NAV3: variants seen among roughly 807,000 people sequenced by gnomAD.
NAV3 encodes the protein neuron navigator 3, also known as pore membrane and/or filament interacting like protein 1.
NAV3 carries 87 observed loss-of-function variants against 244.7 expected under a neutral mutation model. That is an observed-to-expected ratio of 0.36 (90% CI 0.30 to 0.42). The LOEUF is 0.42. Among genes scored for constraint, NAV3 ranks in the 20% least tolerant of loss-of-function variants. The pLI is 1.00. For missense variants in NAV3, 2,663 were observed against 2,893.3 expected (o/e 0.92, Z 1.83); for synonymous variants, 1,126 against 1,042.2 (o/e 1.08, Z -1.55).
At chr12:77,849,106 C>T (rs1236845958) in intron 1 of NAV3, among the ~76,000 whole-genome samples, 2 of 152,030 alleles carry the variant, frequency 1.3e-5, no homozygotes, top group African/African-American at 4.8e-5. Context: ...ATTCAAGCTT[C>T]CCCCAATGTA....
At chr12:77,833,845 C>A (rs527680462) in intron 1 of NAV3, among the ~76,000 whole-genome samples, 1 of 152,252 alleles carries the variant, frequency 6.6e-6, no homozygotes, top group South Asian at 2.1e-4. Context: ...CGCCCAGCAG[C>A]CAGACTCTCC....
intron 2 of NAV3, among the ~76,000 whole-genome samples, chr12:77,575,774 T>A (rs942675122): frequency 2.6e-5 from 4 of 152,278 alleles, no homozygotes; most frequent in African/African-American, 9.6e-5. Context: ...TATTGCTCCA[T>A]GAATATTTTG....
At chr12:77,863,030 T>A (rs1222944844) in intron 1 of NAV3, among the ~76,000 whole-genome samples, 1 of 151,868 alleles carries the variant, frequency 6.6e-6, no homozygotes, top group Non-Finnish European at 1.5e-5. Context: ...TAATAAAAAC[T>A]TTTTGTCCAT....
rs1874432764 is a variant in NAV3 at position 78,007,451 on chromosome 12, G to A, written c.1907+6G>A. 6.2e-7 allele frequency: 1 copy of A among 1,610,100 alleles called. No homozygotes were observed. The highest frequency in any genetic ancestry group is 8.5e-7 in the Non-Finnish European group (1 of 1,177,976). ...GTGGCACCATTCATTTACAGGTAAG[G>A]TGGCCTCTGTTTATCCACAGTTGTA... On this transcript the variant is annotated splice_donor_region_variant and intron_variant, in intron 8 of 39. Coordinates refer to ENST00000397909, the MANE Select transcript of NAV3 (RefSeq NM_001024383.2).
chr12:78,059,113 C>T lies in NAV3; in HGVS notation c.2634C>T (p.Asp878=), dbSNP rs2137410515. 1.2e-6 allele frequency: 2 copies of T among 1,609,956 alleles called. No individual in the cohort carries two copies. Among genetic ancestry groups the T allele is most frequent in the South Asian group, 1.1e-5 (1 of 90,338 alleles). The change falls in exon 12 of 40, where the codon GAC becomes GAT. Residue 878 remains aspartate (D), a splice_region_variant and synonymous_variant. Coordinates refer to ENST00000397909, the MANE Select transcript of NAV3 (RefSeq NM_001024383.2). Reference sequence around the variant, plus strand: ...TTCACGATGTGACAGTGGATGCAGACAGGTAATGCTATCAGCATATATGAT... The same window carrying T: ...TTCACGATGTGACAGTGGATGCAGATAGGTAATGCTATCAGCATATATGAT... ...RGVHDVTVDA[D]SWDDSSSVSS... is the part of the protein sequence containing the mutation.
At chr12:77,688,007 C>T (rs559122114) in intron 2 of NAV3, among the ~76,000 whole-genome samples, 137 of 152,156 alleles carry the variant, frequency 9.0e-4, no homozygotes, top group African/African-American at 3.2e-3. Context: ...TTATATCACA[C>T]TTTTTACTGT....
chr12:77,676,872 G>A (rs1347420045), intron 2 of NAV3, among the ~76,000 whole-genome samples: 1 of 152,156 alleles, frequency 6.6e-6, no homozygotes, highest in African/African-American at 2.4e-5. Flanking sequence ...TAAGGACCTA[G>A]GGTTAGGGTA....
At chr12:78,090,431 T>A (rs1487610339) in intron 12 of NAV3, among the ~76,000 whole-genome samples, 1 of 152,038 alleles carries the variant, frequency 6.6e-6, no homozygotes, top group Non-Finnish European at 1.5e-5. Flanking sequence ...CCTTTTCTAC[T>A]AACATTAACC....
intron 5 of NAV3, among the ~76,000 whole-genome samples, chr12:77,973,410 A>G (rs907989908): frequency 1.3e-5 from 2 of 152,192 alleles, no homozygotes; most frequent in Non-Finnish European, 2.9e-5. Context: ...ATCTCTGCAG[A>G]TGATCATATG....
intron 2 of NAV3, among the ~76,000 whole-genome samples, chr12:77,755,566 T>TCCTTC (rs1869103682): frequency 1.6e-5 from 1 of 62,212 alleles, no homozygotes; most frequent in Non-Finnish European, 3.2e-5. Context: ...TCCTTTCCTT[T>TCCTTC]CCTTTCCTTT....
chr12:77,659,707 A>G (rs1427308364), intron 2 of NAV3, among the ~76,000 whole-genome samples: 2 of 152,170 alleles, frequency 1.3e-5, no homozygotes, highest in Admixed American at 6.5e-5. Context: ...CTTGGAACCA[A>G]TCCAAATGTC....
chr12:77,920,346 GTTTTA>G (rs2137160794), intron 1 of NAV3, among the ~76,000 whole-genome samples: 1 of 151,920 alleles, frequency 6.6e-6, no homozygotes, highest in Admixed American at 6.6e-5. Context: ...AAATTAACCA[GTTTTA>G]TTTTGTTTGA....
intron 1 of NAV3, among the ~76,000 whole-genome samples, chr12:77,896,548 G>T (rs1884651459): frequency 6.6e-6 from 1 of 152,098 alleles, no homozygotes; most frequent in Admixed American, 6.6e-5. Flanking sequence ...GTCTATATTT[G>T]TTCCTTCTTA....
intron 2 of NAV3, among the ~76,000 whole-genome samples, chr12:77,611,015 G>T (rs924738699): frequency 1.4e-5 from 2 of 148,116 alleles, no homozygotes. Context: ...AAACCTATTA[G>T]AAAAAAAAAC....
chr12:77,593,596 C>T (rs1390748645), intron 2 of NAV3, among the ~76,000 whole-genome samples: 8 of 143,398 alleles, frequency 5.6e-5, no homozygotes, highest in African/African-American at 2.0e-4. Context: ...ATTACAGGTG[C>T]GTGCCACCAT....
At chr12:77,634,614 A>G (rs1043778525) in intron 2 of NAV3, among the ~76,000 whole-genome samples, 2 of 152,206 alleles carry the variant, frequency 1.3e-5, no homozygotes, top group African/African-American at 4.8e-5. Context: ...ATGAAACTTC[A>G]TAGTGTAAAA....
At chr12:77,954,667 C>A (rs1281124987) in intron 3 of NAV3, among the ~76,000 whole-genome samples, 1 of 152,146 alleles carries the variant, frequency 6.6e-6, no homozygotes. Flanking sequence ...AGCTCCAAAT[C>A]ATTTTCCCTG....
intron 1 of NAV3, among the ~76,000 whole-genome samples, chr12:77,855,318 A>G (rs1369075684): frequency 6.6e-6 from 1 of 152,170 alleles, no homozygotes; most frequent in Non-Finnish European, 1.5e-5. Flanking sequence ...TAATCATCAA[A>G]TATTGTCTGA....
chr12:77,967,408 C>T (rs543334505), intron 4 of NAV3, among the ~76,000 whole-genome samples: 26 of 152,054 alleles, frequency 1.7e-4, no homozygotes, highest in East Asian at 1.5e-3. Context: ...TTCAATATGA[C>T]GAAAACTATG....
Sources: allele counts gnomAD v4.1 joint callset (sites outside exome capture counted in the v4.1 genomes callset), GRCh38; gene constraint gnomAD v4.1.1; transcripts MANE v1.5; gene names NCBI Gene and HGNC (gene_info 2026-07-23, HGNC 2026-07-21).